The following HERC2 variants were observed in gnomAD, a reference collection of about 807,000 sequenced individuals.
HERC2 encodes HECT and RLD domain containing E3 ubiquitin protein ligase 2.
HERC2 carries 102 observed loss-of-function variants against 537.7 expected under a neutral mutation model. The ratio of observed to expected loss-of-function variants is 0.19; its 90% CI spans 0.16 to 0.22. HERC2 has a LOEUF of 0.22. Ranked by LOEUF, HERC2 falls within the 10% of genes least tolerant of loss-of-function variation. The pLI is 1.00. For missense variants in HERC2, 4,236 were observed against 6,198.2 expected (o/e 0.68, Z 10.63); for synonymous variants, 2,224 against 2,466.2 (o/e 0.90, Z 2.91).
chr15:28,224,836 AAAAAG>A (rs1355921371), intron 35 of HERC2, among the ~76,000 whole-genome samples: 8 of 152,246 alleles, frequency 5.3e-5, no homozygotes, highest in Non-Finnish European at 8.8e-5. Flanking sequence ...GAGAAATAAA[AAAAAG>A]AAAAGTGGAA....
intron 72 of HERC2, 80 bp downstream of exon 72, chr15:28,144,593 C>T (rs1323990684): frequency 6.3e-7 from 1 of 1,585,542 alleles, no homozygotes; most frequent in Non-Finnish European, 8.6e-7. Flanking sequence ...ACTACGTGGA[C>T]ATGTGCACGT....
chr15:28,142,292 A>G lies in HERC2; in HGVS notation c.11646T>C (p.Arg3882=), dbSNP rs1358951484. The change falls in exon 76 of 93, where the codon CGT becomes CGC. Residue 3882 remains arginine (R), a synonymous_variant. Coordinates refer to ENST00000261609, the MANE Select transcript of HERC2 (RefSeq NM_004667.6). ...AWFRRYCMAS[R]VAVALDKRTP... ...TTCTTTTGTCAAGGGCCACAGCAAC[A>G]CGGGAGGCCATGCAGTACCTCCGGA... 3 of 1,614,104 alleles carry G rather than the reference A, an allele frequency of 1.9e-6. No individual in the cohort carries two copies. Among genetic ancestry groups the G allele is most frequent in the African/African-American group, 2.7e-5 (2 of 74,944 alleles).
intron 2 of HERC2, among the ~76,000 whole-genome samples, chr15:28,310,969 C>A (rs981899262): frequency 7.1e-6 from 1 of 141,672 alleles, no homozygotes; most frequent in Admixed American, 7.6e-5. Context: ...CCCAGCTACT[C>A]GGGAGGCTGA....
At chr15:28,199,524 G>C (rs1045513853) in intron 48 of HERC2, among the ~76,000 whole-genome samples, 1 of 152,182 alleles carries the variant, frequency 6.6e-6, no homozygotes, top group Admixed American at 6.5e-5. Flanking sequence ...TAATAACAAA[G>C]CTTTTTTTCC....
At chr15:28,235,489 G>A (rs1902331939) in intron 26 of HERC2, among the ~76,000 whole-genome samples, 1 of 152,030 alleles carries the variant, frequency 6.6e-6, no homozygotes, top group Non-Finnish European at 1.5e-5. Context: ...CTGCACAAAG[G>A]TCCACCCAAC....
chr15:28,184,588 G>A (rs973703147), intron 56 of HERC2, among the ~76,000 whole-genome samples: 1 of 152,052 alleles, frequency 6.6e-6, no homozygotes, highest in African/African-American at 2.4e-5. Flanking sequence ...ATGGCCAGGC[G>A]CAGTGGCTCA....
rs549667245 is a variant in HERC2, at chr15:28,262,598, C to T, written c.2122+320G>A. 2.0e-5 allele frequency among the ~76,000 whole-genome samples: 3 copies of T among 152,282 alleles called. No individual in the cohort carries two copies. The East Asian group carries it at 5.8e-4, about 29-fold the overall frequency. ...GTGCCTGCAGTACAAGTACAGGTGACCTCACCACACAGAGGGAACCCTTAC... is the reference window on the plus strand; with the variant it reads ...GTGCCTGCAGTACAAGTACAGGTGATCTCACCACACAGAGGGAACCCTTAC... On this transcript the variant is annotated intron_variant, in intron 15 of 92. Coordinates refer to ENST00000261609, the MANE Select transcript of HERC2 (RefSeq NM_004667.6).
chr15:28,191,047 G>C lies in HERC2; in HGVS notation c.8567C>G (p.Ser2856Cys), dbSNP rs1896809516. 1 of 1,611,518 alleles carries C rather than the reference G, an allele frequency of 6.2e-7. No homozygotes were observed. The highest frequency in any genetic ancestry group is 1.7e-4 in the Middle Eastern group (1 of 6,054). Residue 2856 changes from serine to cysteine, a missense_variant, in exon 55 of 93, where the codon TCC becomes TGC. Coordinates refer to ENST00000261609, the MANE Select transcript of HERC2 (RefSeq NM_004667.6). Reference protein sequence around the residue: ...PSLVVVSGGNSLNNLIELKTI... With the variant: ...PSLVVVSGGNCLNNLIELKTI... ...CTTTAGTTCAATAAGGTTATTCAGG[G>C]AATTTCCACCTAGGAAAAAATGGGT... is the stretch of plus-strand genomic sequence containing the variant.
At chr15:28,158,892 G>A (rs1164088281) in intron 69 of HERC2, among the ~76,000 whole-genome samples, 1 of 152,178 alleles carries the variant, frequency 6.6e-6, no homozygotes, top group Middle Eastern at 3.2e-3. Flanking sequence ...TCCTTTCCAT[G>A]TTTAGTGCTT....
At position 28,113,912 on chromosome 15, in the gene HERC2, T is replaced by C. The variant is rs1887936399; in HGVS notation, c.13914-234A>G. Among the ~76,000 whole-genome samples, 1 of 152,000 alleles carries C rather than the reference T, an allele frequency of 6.6e-6. No individual in the cohort carries two copies. The highest frequency in any genetic ancestry group is 1.5e-5 in the Non-Finnish European group (1 of 68,010). ...ACGGCCTAATGACCACCTACAGCTA[T>C]GCACACCCCAAGACGCCACTCTCAG... On this transcript the variant is annotated intron_variant, in intron 90 of 92. Coordinates refer to ENST00000261609, the MANE Select transcript of HERC2 (RefSeq NM_004667.6). The surrounding 1 kb of genome is among the most constrained non-coding windows in gnomAD (Gnocchi z 7.0).
At chr15:28,279,250 A>C (rs57252238) in intron 5 of HERC2, among the ~76,000 whole-genome samples, 12,164 of 152,096 alleles carry the variant, frequency 0.08, 1,659 homozygotes, top group African/African-American at 0.28. Flanking sequence ...CAGGCCTCCC[A>C]AAGTGCTGGG....
Position 28,218,041 on chromosome 15 carries a change from T to C in HERC2, c.6028+448A>G, listed in dbSNP as rs2525901. 3.3e-3 allele frequency among the ~76,000 whole-genome samples: 496 copies of C among 151,930 alleles called. 3 individuals carry two copies. Among genetic ancestry groups the C allele is most frequent in the African/African-American group, 9.7e-3 (401 of 41,222 alleles). ...TCGTATGTTGAAGCCCTAACCCCTA[T>C]CGTACCTCGGCAGGTGACCTTGTTT... is the stretch of plus-strand genomic sequence containing the variant. On this transcript the variant is annotated intron_variant, in intron 38 of 92. Transcript: ENST00000261609.
In HERC2 at chr15:28,200,016, A is replaced by C. The variant is rs1164701444; in HGVS notation, c.7717-1247T>G. 2.6e-5 allele frequency among the ~76,000 whole-genome samples: 4 copies of C among 152,100 alleles called. No individual in the cohort carries two copies. In the South Asian group the frequency reaches 8.3e-4, roughly 32 times the overall value. ...TCCCAACTCCTAATGTGGCAGTATT[A>C]GGAGATGGGGCCTCTAAGGAAGTCA... is the stretch of plus-strand genomic sequence containing the variant. On this transcript the variant is annotated intron_variant, in intron 48 of 92. Coordinates refer to ENST00000261609, the MANE Select transcript of HERC2 (RefSeq NM_004667.6).
chr15:28,306,011 T>G (rs915073388), intron 2 of HERC2, among the ~76,000 whole-genome samples: 1 of 152,106 alleles, frequency 6.6e-6, no homozygotes, highest in Non-Finnish European at 1.5e-5. Context: ...TGGCAATCAT[T>G]AAAAAGTCAG....
chr15:28,226,878 T>C (rs1901235992), intron 35 of HERC2, among the ~76,000 whole-genome samples: 1 of 152,236 alleles, frequency 6.6e-6, no homozygotes, highest in South Asian at 2.1e-4. Context: ...ACACGAAATT[T>C]TTAAAGAGTC....
At chr15:28,264,960 T>G (rs1836743452) in intron 14 of HERC2, among the ~76,000 whole-genome samples, 1 of 152,092 alleles carries the variant, frequency 6.6e-6, no homozygotes, top group South Asian at 2.1e-4. Flanking sequence ...TTTTCATCTT[T>G]CACCTAAGAA....
intron 42 of HERC2, chr15:28,212,879 G>C (rs1344431120): frequency 6.6e-6 from 4 of 602,332 alleles, no homozygotes; most frequent in Non-Finnish European, 8.3e-6. Context: ...TCTACAACGT[G>C]TATATATTCC....
At chr15:28,248,409 T>C in intron 21 of HERC2, 143 bp downstream of exon 21, 1 of 583,566 alleles carries the variant, frequency 1.7e-6, no homozygotes. Context: ...CTCAAAAAAG[T>C]GGATGCAAAA....
rs569374388 is a variant in HERC2, at chr15:28,141,785, C to G, written c.11762G>C (p.Ser3921Thr). The change falls in exon 77 of 93, where the codon AGC becomes ACC. Residue 3921 changes from serine (S) to threonine (T), a missense_variant. Physicochemically the swap from Ser to Thr is moderately conservative, Grantham distance 58. Around this residue, in one of 27 missense-constraint regions of HERC2, gnomAD observed 156 missense variants for 172.3 expected, o/e 0.91. Transcript: ENST00000261609. ...DSENMDVLHE[S>T]HDIFKREQDE... ...TTGCTCTCTTTTAAAAATGTCATGGCTCTCATGCAGAACATCCATGTTTTC... is the reference window on the plus strand; with the variant it reads ...TTGCTCTCTTTTAAAAATGTCATGGGTCTCATGCAGAACATCCATGTTTTC... The G allele has an allele frequency of 6.2e-7, 1 of 1,614,056 alleles. No individual in the cohort carries two copies. The highest frequency in any genetic ancestry group is 8.5e-7 in the Non-Finnish European group (1 of 1,180,036).
Sources: allele counts gnomAD v4.1 joint callset (sites outside exome capture counted in the v4.1 genomes callset), GRCh38; gene constraint gnomAD v4.1.1; regional missense constraint gnomAD v4.1.1; non-coding constraint Gnocchi (gnomAD v3.1); transcripts MANE v1.5; gene names NCBI Gene and HGNC (gene_info 2026-07-23, HGNC 2026-07-21).